Variants in KAZN observed in about 807,000 individuals in gnomAD.
The protein encoded by KAZN is kazrin.
Under a neutral mutation model 87.4 loss-of-function variants are expected in KAZN, and 40 were observed. The ratio of observed to expected loss-of-function variants is 0.46; its 90% CI spans 0.36 to 0.60. The LOEUF (loss-of-function observed/expected upper bound fraction) is 0.60. Ranked by LOEUF, KAZN falls within the 20% of genes least tolerant of loss-of-function variation. The pLI is 0.00. For missense variants in KAZN, 898 were observed against 1,073.9 expected (o/e 0.84, Z 2.29); for synonymous variants, 466 against 458.3 (o/e 1.02, Z -0.22).
At chr1:14,983,884 G>A (rs1230446200) in intron 2 of KAZN, among the ~76,000 whole-genome samples, 1 of 152,198 alleles carries the variant, frequency 6.6e-6, no homozygotes, top group African/African-American at 2.4e-5. Context: ...GGAGGTTGCA[G>A]TGAGCTGAGA....
intron 1 of KAZN, among the ~76,000 whole-genome samples, chr1:14,161,806 C>T (rs1455845779): frequency 6.6e-6 from 1 of 152,200 alleles, no homozygotes; most frequent in Non-Finnish European, 1.5e-5. Context: ...ATCCAGTTAT[C>T]ACAAACTCAA....
At chr1:14,065,248 G>A (rs1457445742) in intron 1 of KAZN, among the ~76,000 whole-genome samples, 2 of 152,172 alleles carry the variant, frequency 1.3e-5, no homozygotes, top group African/African-American at 2.4e-5. Flanking sequence ...TCACATGGAC[G>A]GTGAAGGAAC....
chr1:14,134,148 C>T (rs2227241), intron 1 of KAZN, among the ~76,000 whole-genome samples: 87,205 of 152,044 alleles, frequency 0.57, 26,309 homozygotes, highest in East Asian at 0.76. Context: ...TTCTCATCTG[C>T]ATGCCTAGAT....
At chr1:14,227,534 A>G (rs1647400361) in intron 2 of KAZN, among the ~76,000 whole-genome samples, 1 of 152,122 alleles carries the variant, frequency 6.6e-6, no homozygotes. Flanking sequence ...CTTACAAGAC[A>G]GGCAGAGTTC....
At chr1:14,365,366 G>GGT (rs1490613442) in intron 2 of KAZN, among the ~76,000 whole-genome samples, 1 of 26,080 alleles carries the variant, frequency 3.8e-5, no homozygotes, top group East Asian at 6.5e-4. Flanking sequence ...CTCCCCCCGG[G>GGT]GTGGGGGGGG....
intron 2 of KAZN, among the ~76,000 whole-genome samples, chr1:14,415,812 G>A (rs184378442): frequency 3.2e-4 from 48 of 152,084 alleles, no homozygotes; most frequent in Non-Finnish European, 2.1e-4. Context: ...TTCCCCCAAA[G>A]AACCCCTTGT....
intron 2 of KAZN, among the ~76,000 whole-genome samples, chr1:14,409,712 A>G (rs1664149818): frequency 6.6e-6 from 1 of 152,160 alleles, no homozygotes; most frequent in Non-Finnish European, 1.5e-5. Context: ...CAAACTACAA[A>G]TGTACAAGGA....
At chr1:14,792,773 C>T (rs148196876) in intron 1 of KAZN, among the ~76,000 whole-genome samples, 1 of 152,088 alleles carries the variant, frequency 6.6e-6, no homozygotes, top group African/African-American at 2.4e-5. Context: ...GTCAGGAGAT[C>T]GAGACTATCC....
At chr1:13,893,592 C>A in exon 1 of KAZN, 1 of 1,517,628 alleles carries the variant, frequency 6.6e-7, no homozygotes, top group Non-Finnish European at 8.9e-7. Flanking sequence ...GGGCCAGCGA[C>A]GGCATCCTTT....
intron 2 of KAZN, among the ~76,000 whole-genome samples, chr1:14,292,322 A>C (rs922248096): frequency 1.3e-5 from 2 of 152,178 alleles, no homozygotes; most frequent in African/African-American, 4.8e-5. Flanking sequence ...TAGAGAACAC[A>C]GAGAGGGAGA....
chr1:14,924,055 G>A, intron 1 of KAZN: 1 of 913,644 alleles, frequency 1.1e-6, no homozygotes, highest in Non-Finnish European at 1.3e-6. Context: ...GGCGGGGCGG[G>A]GGCGGGGCGG....
chr1:14,578,751 A>C (rs985437661), intron 2 of KAZN, among the ~76,000 whole-genome samples: 4 of 152,190 alleles, frequency 2.6e-5, no homozygotes, highest in African/African-American at 9.7e-5. Flanking sequence ...TGAGCACTTG[A>C]AAATATACTG....
intron 1 of KAZN, among the ~76,000 whole-genome samples, chr1:13,896,756 T>G (rs527891993): frequency 6.6e-6 from 1 of 152,336 alleles, no homozygotes; most frequent in African/African-American, 2.4e-5. Context: ...CAACTGGGGC[T>G]AATCTTTTAT....
intron 1 of KAZN, among the ~76,000 whole-genome samples, chr1:14,649,630 C>T (rs12401417): frequency 0.44 from 66,628 of 151,980 alleles, 16,444 homozygotes; most frequent in Admixed American, 0.55. Flanking sequence ...GCAGTATCTG[C>T]TTTGAAACAG....
At chr1:15,038,351 G>C (rs772981027) in intron 3 of KAZN, among the ~76,000 whole-genome samples, 9 of 152,218 alleles carry the variant, frequency 5.9e-5, no homozygotes, top group Non-Finnish European at 5.9e-5. Flanking sequence ...CATCCTGGCA[G>C]GGACTGATGT....
intron 2 of KAZN, among the ~76,000 whole-genome samples, chr1:14,493,289 TACTC>T (rs1669777384): frequency 6.6e-6 from 1 of 152,228 alleles, no homozygotes; most frequent in Non-Finnish European, 1.5e-5. Flanking sequence ...ACAAAGTAGA[TACTC>T]AATGAGTATT....
In KAZN at chr1:14,177,619, G is replaced by A. The variant is rs76611433; in HGVS notation, c.92-2816G>A. Reference sequence around the variant, plus strand: ...TTATCTCCTGGTTTGCATAGATTCCGATGAGAAGGCTGACATTGTTTTTTG... The same window carrying A: ...TTATCTCCTGGTTTGCATAGATTCCAATGAGAAGGCTGACATTGTTTTTTG... On this transcript the variant is annotated intron_variant, in intron 1 of 16. Coordinates refer to the KAZN transcript ENST00000636203. 3.9e-3 allele frequency among the ~76,000 whole-genome samples: 599 copies of A among 152,180 alleles called. 4 individuals are homozygous for A. The highest frequency in any genetic ancestry group is 0.013 in the African/African-American group (552 of 41,526).
rs558211049 is a variant in KAZN at position 14,667,890 on chromosome 1, T to C, written c.226+68667T>C. Among the ~76,000 whole-genome samples the C allele has an allele frequency of 1.4e-3, 209 of 152,310 alleles. 4 individuals carry two copies. The highest frequency in any genetic ancestry group is 1.2e-3 in the East Asian group (6 of 5,178). ...AACTCGGAGTGATCAAATCGCTCCT[T>C]GAAGCCAAACCGGAACAAAACCCAG... On this transcript the variant is annotated intron_variant, in intron 1 of 14. Transcript: ENST00000376030.
rs200683086 is a variant in KAZN at position 15,094,186 on chromosome 1, A to T, written c.1229A>T (p.Asp410Val). 6 of 1,612,840 alleles carry T rather than the reference A, an allele frequency of 3.7e-6. No individual in the cohort carries two copies. Residue 410 changes from aspartate to valine, a missense_variant, in exon 9 of 15, where the codon GAC becomes GTC. By Grantham distance (152) the Asp-to-Val change is radical (BLOSUM62 -3). Transcript: ENST00000376030. This position sits in a 1 kb window ranked among gnomAD's most constrained non-coding sequence, Gnocchi z 4.5. ...SLDPGLFDDSDSQCSPTRQSL... is the reference protein window; with the variant it reads ...SLDPGLFDDSVSQCSPTRQSL... ...CTGCACTTGTGTGTTGCAGACTCGG[A>T]CAGCCAGTGCAGCCCCACGCGGCAG...
Sources: gnomAD v4.1 joint callset for allele counts (sites outside exome capture counted in the v4.1 genomes callset) on GRCh38, gnomAD v4.1.1 for gene constraint, Gnocchi (gnomAD v3.1) non-coding constraint, MANE v1.5 for transcripts, NCBI Gene and HGNC (gene_info 2026-07-23, HGNC 2026-07-21) for gene names.